The following GAS7 variants were observed in gnomAD, a reference collection of about 807,000 sequenced individuals.
GAS7 encodes the protein growth arrest-specific protein 7.
Under a neutral mutation model 71.1 loss-of-function variants are expected in GAS7, and 28 were observed. The ratio of observed to expected loss-of-function variants is 0.39; its 90% confidence interval spans 0.29 to 0.54. The LOEUF is 0.54. GAS7 is among the 20% of genes least tolerant of loss of function. The probability of loss-of-function intolerance (pLI) is 0.62; values close to 1 mark genes in which losing one functional copy is unlikely to be tolerated. For synonymous variants in GAS7, 258 were observed against 245.8 expected (o/e 1.05, Z -0.46); for missense variants, 436 against 627.8 (o/e 0.69, Z 3.27).
chr17:10,183,735 G>C (rs2074433077), intron 1 of GAS7, among the ~76,000 whole-genome samples: 1 of 152,186 alleles, frequency 6.6e-6, no homozygotes, highest in African/African-American at 2.4e-5. Flanking sequence ...CCAGCTACTT[G>C]GGAGGCTGAG....
chr17:9,949,867 C>T (rs192357658), intron 5 of GAS7, among the ~76,000 whole-genome samples: 14 of 149,778 alleles, frequency 9.3e-5, no homozygotes. Context: ...CCCTCCCTCC[C>T]TCCCTTTCTT....
chr17:10,103,163 G>A lies in GAS7; in HGVS notation c.184-83266C>T, dbSNP rs1431060609. ...AGCCCAGGAGTTTGAGACCAGCCTG[G>A]GCAATATGGCAAAACCCCTCCTCTA... On this transcript the variant is annotated intron_variant, in intron 1 of 13. Transcript: ENST00000432992. The surrounding 1 kb of genome is among the most constrained non-coding windows in gnomAD (Gnocchi z 5.5). Among the ~76,000 whole-genome samples the A allele has an allele frequency of 6.6e-6, 1 of 151,222 alleles. No homozygotes were observed. Among genetic ancestry groups the A allele is most frequent in the Admixed American group, 6.6e-5 (1 of 15,138 alleles).
intron 1 of GAS7, among the ~76,000 whole-genome samples, chr17:10,112,249 G>A (rs2073820735): frequency 6.6e-6 from 1 of 152,214 alleles, no homozygotes; most frequent in Non-Finnish European, 1.5e-5. Context: ...AAGACACACA[G>A]CGAGGGATGC....
intron 1 of GAS7, among the ~76,000 whole-genome samples, chr17:10,175,545 A>C (rs550497342): frequency 2.0e-5 from 3 of 152,214 alleles, no homozygotes; most frequent in East Asian, 1.9e-4. Context: ...CCCTTTCTTA[A>C]AAGGACACCA....
chr17:9,926,976 G>GCC lies in GAS7; in HGVS notation c.886-209_886-208dup. 1 of 579,400 alleles carries GCC rather than the reference G, an allele frequency of 1.7e-6. No individual in the cohort carries two copies. Among genetic ancestry groups the GCC allele is most frequent in the South Asian group, 2.1e-5 (1 of 47,700 alleles). The allele number at this position is 579,400 out of a possible 1,614,324, so 35.9% of individuals were successfully genotyped here. ...TAGGCAGGTCACCTTAGCTCAGGAG[G>GCC]CCCCCACACACGTCTACAGGATAAG... On this transcript the variant is annotated intron_variant, in intron 9 of 13. Coordinates refer to ENST00000432992, the MANE Select transcript of GAS7 (RefSeq NM_201433.2). The surrounding 1 kb of genome is among the most constrained non-coding windows in gnomAD (Gnocchi z 5.0).
chr17:10,028,764 G>A (rs2072536184), intron 1 of GAS7, among the ~76,000 whole-genome samples: 1 of 151,774 alleles, frequency 6.6e-6, no homozygotes, highest in Non-Finnish European at 1.5e-5. Flanking sequence ...TGTAACAGAA[G>A]GAAAATGCAC....
chr17:10,095,571 C>T (rs59028595), intron 1 of GAS7, among the ~76,000 whole-genome samples: 4,610 of 152,198 alleles, frequency 0.03, 204 homozygotes, highest in African/African-American at 0.1. Flanking sequence ...CCTGTAATCC[C>T]AGCATTTTCG....
intron 1 of GAS7, among the ~76,000 whole-genome samples, chr17:10,048,073 G>A (rs190838284): frequency 5.9e-5 from 9 of 152,286 alleles, no homozygotes; most frequent in East Asian, 5.8e-4. Context: ...AGGGTGAAGC[G>A]GGCAGATCAC....
intron 3 of GAS7, among the ~76,000 whole-genome samples, chr17:9,975,563 T>C (rs2070166373): frequency 1.3e-5 from 2 of 149,492 alleles, no homozygotes; most frequent in African/African-American, 4.9e-5. Context: ...CCACCCGTTC[T>C]CCTTCCTCAT....
At chr17:10,064,035 C>A (rs913389562) in intron 1 of GAS7, among the ~76,000 whole-genome samples, 1 of 152,156 alleles carries the variant, frequency 6.6e-6, no homozygotes, top group African/African-American at 2.4e-5. Flanking sequence ...CTCACCAGCT[C>A]GAACATTAGT....
rs530141944 is a variant in GAS7 at position 10,140,862 on chromosome 17, T to C, written c.183+57346A>G. On this transcript the variant is annotated intron_variant, in intron 1 of 13. Transcript: ENST00000432992. Reference sequence around the variant, plus strand: ...ACAGATTAAAACAAAAAGAGTCACTTGTATGTGCACAACACTGCAGATACA... The same window carrying C: ...ACAGATTAAAACAAAAAGAGTCACTCGTATGTGCACAACACTGCAGATACA... Among the ~76,000 whole-genome samples the C allele has an allele frequency of 1.2e-4, 18 of 152,346 alleles. No individual in the cohort carries two copies. In the East Asian group the frequency reaches 3.1e-3, roughly 26 times the overall value.
chr17:10,010,868 C>G (rs868221547), intron 2 of GAS7, among the ~76,000 whole-genome samples: 1 of 152,210 alleles, frequency 6.6e-6, no homozygotes, highest in Non-Finnish European at 1.5e-5. Flanking sequence ...AAGTTGGAGA[C>G]AGCTTGTACT....
intron 1 of GAS7, among the ~76,000 whole-genome samples, chr17:10,069,402 T>C (rs1287320789): frequency 6.6e-6 from 1 of 152,362 alleles, no homozygotes; most frequent in South Asian, 2.1e-4. Context: ...TGTTGGCCTG[T>C]GATCCTTGCT....
rs114476309 is a variant in GAS7 at position 10,053,837 on chromosome 17, A to C, written c.184-33940T>G. On this transcript the variant is annotated intron_variant, in intron 1 of 13. Transcript: ENST00000432992. ...TAAAAGGAGAGGAGAAAGTGACAATAAGAGGTGCTGGCGTCCTATCCATCC... is the reference window on the plus strand; with the variant it reads ...TAAAAGGAGAGGAGAAAGTGACAATCAGAGGTGCTGGCGTCCTATCCATCC... Among the ~76,000 whole-genome samples, 399 of 152,292 alleles carry C rather than the reference A, an allele frequency of 2.6e-3. 1 individual carries two copies. The highest frequency in any genetic ancestry group is 9.3e-3 in the African/African-American group (385 of 41,556).
intron 2 of GAS7, among the ~76,000 whole-genome samples, chr17:10,010,683 G>A (rs760947941): frequency 2.6e-4 from 40 of 152,094 alleles, no homozygotes; most frequent in Admixed American, 3.9e-4. Flanking sequence ...TACCTTAGAC[G>A]TGCCCAGAAC....
intron 1 of GAS7, among the ~76,000 whole-genome samples, chr17:10,094,561 T>C (rs1217906617): frequency 1.3e-5 from 2 of 151,984 alleles, no homozygotes; most frequent in Non-Finnish European, 1.5e-5. Context: ...CTCCGCCTCC[T>C]GGATTCAAGC....
intron 2 of GAS7, among the ~76,000 whole-genome samples, chr17:9,998,634 A>T (rs2071139783): frequency 6.6e-6 from 1 of 152,148 alleles, no homozygotes; most frequent in South Asian, 2.1e-4. Context: ...AGAAAGAAAA[A>T]AAGGCAGAAA....
intron 4 of GAS7, among the ~76,000 whole-genome samples, chr17:9,965,344 G>A (rs2069663158): frequency 6.6e-6 from 1 of 152,166 alleles, no homozygotes; most frequent in South Asian, 2.1e-4. Flanking sequence ...CCATAAAAAA[G>A]AATGAGTTCA....
At chr17:9,996,946 C>T (rs985335084) in intron 2 of GAS7, among the ~76,000 whole-genome samples, 1 of 151,978 alleles carries the variant, frequency 6.6e-6, no homozygotes, top group Non-Finnish European at 1.5e-5. Flanking sequence ...GGCCAGAAGA[C>T]TATATTTTTA....
Sources: gnomAD v4.1 joint callset for allele counts (sites outside exome capture counted in the v4.1 genomes callset) on GRCh38, gnomAD v4.1.1 for gene constraint, Gnocchi (gnomAD v3.1) non-coding constraint, MANE v1.5 for transcripts, NCBI Gene and HGNC (gene_info 2026-07-23, HGNC 2026-07-21) for gene names.